Variants in PHF21B observed in about 807,000 individuals in gnomAD.
PHF21B encodes the protein PHD finger protein 4.
A neutral mutation model predicts 62.2 loss-of-function variants in PHF21B; 22 were observed. The ratio of observed to expected loss-of-function variants is 0.35; its 90% CI spans 0.25 to 0.51. The LOEUF is 0.51. Ranked by LOEUF, PHF21B falls within the 20% of genes least tolerant of loss-of-function variation. The pLI is 0.97. For synonymous variants in PHF21B, 341 were observed against 314.7 expected, an observed-to-expected ratio of 1.08 and a Z score of -0.88; for missense variants, 701 against 707.9, an observed-to-expected ratio of 0.99 and a Z score of 0.11.
intron 2 of PHF21B, among the ~76,000 whole-genome samples, chr22:44,949,370 G>C (rs879413349): frequency 1.3e-5 from 2 of 151,428 alleles, no homozygotes; most frequent in African/African-American, 2.4e-5. Flanking sequence ...AGCTGGAAGA[G>C]GGAAGGCCCT....
chr22:44,934,269 C>T (rs754015911), intron 2 of PHF21B, among the ~76,000 whole-genome samples: 19 of 152,204 alleles, frequency 1.2e-4, no homozygotes, highest in South Asian at 2.1e-4. Context: ...TGTCCTGGAG[C>T]GTGGCGGTGA....
At chr22:45,008,672 C>T in intron 1 of PHF21B, 62 bp from the exon 2 acceptor site, 1 of 1,280,320 alleles carries the variant, frequency 7.8e-7, no homozygotes, top group South Asian at 2.1e-5. Context: ...ACCCCAGCAC[C>T]GCGGGCCGCG....
intron 5 of PHF21B, among the ~76,000 whole-genome samples, chr22:44,912,202 G>A (rs994888548): frequency 3.9e-5 from 6 of 152,248 alleles, no homozygotes; most frequent in African/African-American, 1.4e-4. Context: ...GCTCATAGGT[G>A]GAAGGGACTT....
chr22:44,897,525 C>T (rs1430461260), intron 5 of PHF21B, among the ~76,000 whole-genome samples: 1 of 152,182 alleles, frequency 6.6e-6, no homozygotes, highest in Admixed American at 6.5e-5. Flanking sequence ...GGAAGAACAA[C>T]TCCTGGAGCC....
rs1227977223 is a variant in PHF21B at position 44,916,738 on chromosome 22, C to T, written c.214-108G>A. The T allele has an allele frequency of 4.0e-6, 4 of 994,044 alleles. No homozygotes were observed. In the African/African-American group the frequency reaches 6.4e-5, roughly 16 times the overall value. The allele number at this position is 994,044 out of a possible 1,614,324, so 61.6% of individuals were successfully genotyped here. A position where few individuals can be genotyped will look rare whatever the true frequency, so the allele number is the denominator to read the frequency against. On this transcript the variant is annotated intron_variant, in intron 3 of 12. Transcript: ENST00000313237. ...CTATATTCAAGGGGAAGGGGCAGCACTGGAAAGAGCACAGCGCCTGTCACG... is the reference window on the plus strand; with the variant it reads ...CTATATTCAAGGGGAAGGGGCAGCATTGGAAAGAGCACAGCGCCTGTCACG...
At chr22:44,896,151 A>G in intron 5 of PHF21B, 68 bp from the exon 6 acceptor site, 1 of 1,566,812 alleles carries the variant, frequency 6.4e-7, no homozygotes, top group East Asian at 2.2e-5. Flanking sequence ...CTCAACAAAC[A>G]TCTGCTGTGG....
At chr22:45,004,737 C>G (rs1279696526) in intron 2 of PHF21B, among the ~76,000 whole-genome samples, 2 of 152,226 alleles carry the variant, frequency 1.3e-5, no homozygotes, top group Non-Finnish European at 2.9e-5. Context: ...AGGTGGAATC[C>G]CCCATTGCTG....
chr22:44,949,202 G>A (rs1342660975), intron 2 of PHF21B, among the ~76,000 whole-genome samples: 3 of 151,580 alleles, frequency 2.0e-5, no homozygotes, highest in South Asian at 2.1e-4. Flanking sequence ...TTGGGAGGCT[G>A]AGGCAGGAGA....
intron 10 of PHF21B, among the ~76,000 whole-genome samples, chr22:44,887,155 T>C (rs1317506486): frequency 3.6e-5 from 3 of 84,246 alleles, no homozygotes; most frequent in African/African-American, 8.3e-5. Flanking sequence ...AAACTCCATC[T>C]CAAAAAAAAA....
intron 2 of PHF21B, among the ~76,000 whole-genome samples, chr22:44,984,619 C>T (rs2072914721): frequency 6.6e-6 from 1 of 152,186 alleles, no homozygotes; most frequent in Non-Finnish European, 1.5e-5. Flanking sequence ...TAAACACCTG[C>T]TCAGCATGAG....
intron 2 of PHF21B, among the ~76,000 whole-genome samples, chr22:44,927,777 G>A (rs547412519): frequency 6.6e-6 from 1 of 152,282 alleles, no homozygotes; most frequent in African/African-American, 2.4e-5. Flanking sequence ...ATTGACACCA[G>A]CAGAAACAAT....
intron 10 of PHF21B, 94 bp from the exon 11 acceptor site, chr22:44,886,032 C>A (rs1601561629): frequency 8.6e-6 from 10 of 1,160,078 alleles, no homozygotes; most frequent in South Asian, 1.4e-5. Context: ...GGGGGCACGC[C>A]CTGTCTGAGC....
intron 2 of PHF21B, among the ~76,000 whole-genome samples, chr22:44,922,669 A>G (rs2071558982): frequency 6.6e-6 from 1 of 152,250 alleles, no homozygotes; most frequent in African/African-American, 2.4e-5. Flanking sequence ...GTGTTTCTAT[A>G]CACTAGGCAC....
intron 2 of PHF21B, among the ~76,000 whole-genome samples, chr22:44,924,597 T>C (rs182008761): frequency 4.5e-4 from 68 of 152,296 alleles, no homozygotes; most frequent in African/African-American, 1.5e-3. Context: ...CATGGGCAAA[T>C]ACAGCAAGAA....
intron 5 of PHF21B, among the ~76,000 whole-genome samples, chr22:44,897,243 T>A (rs1038559927): frequency 6.6e-6 from 1 of 152,120 alleles, no homozygotes; most frequent in Non-Finnish European, 1.5e-5. Context: ...GCATTTTTTT[T>A]TCATTTGACA....
At chr22:44,959,997 G>A (rs896330023) in intron 2 of PHF21B, among the ~76,000 whole-genome samples, 9 of 152,214 alleles carry the variant, frequency 5.9e-5, no homozygotes, top group Middle Eastern at 3.2e-3. Flanking sequence ...CCCAGAGAGC[G>A]GGCCCTCCGC....
At chr22:44,889,630 A>G (rs1247920164) in intron 9 of PHF21B, 130 bp downstream of exon 9, 8 of 1,177,756 alleles carry the variant, frequency 6.8e-6, no homozygotes, top group East Asian at 5.7e-5. Flanking sequence ...CTTAGCACCT[A>G]AAGGCAGAAC....
Position 45,009,657 on chromosome 22 carries a change from G to A in PHF21B, c.-108C>T. On this transcript the variant is annotated 5_prime_UTR_variant, in exon 1 of 13. Transcript: ENST00000313237. The surrounding 1 kb of genome is among the most constrained non-coding windows in gnomAD (Gnocchi z 5.9). ...CGCGGGCGGACGCGGCCTCCGGGCT[G>A]GGTTGGGGGGGACACGAGCCCCCTC... 9.2e-7 allele frequency: 1 copy of A among 1,084,310 alleles called. No homozygotes were observed. Among genetic ancestry groups the A allele is most frequent in the Non-Finnish European group, 1.2e-6 (1 of 802,866 alleles). 67.2% of individuals were successfully genotyped at this position (1,084,310 alleles called of 1,614,324 possible).
chr22:44,929,692 G>C (rs1274438359), intron 2 of PHF21B, among the ~76,000 whole-genome samples: 2 of 152,272 alleles, frequency 1.3e-5, no homozygotes, highest in Non-Finnish European at 2.9e-5. Context: ...TGTACCAGGA[G>C]ATGCCCGGCA....
Sources: gnomAD v4.1 joint callset for allele counts (sites outside exome capture counted in the v4.1 genomes callset) on GRCh38, gnomAD v4.1.1 for gene constraint, Gnocchi (gnomAD v3.1) non-coding constraint, MANE v1.5 for transcripts, NCBI Gene and HGNC (gene_info 2026-07-23, HGNC 2026-07-21) for gene names.